LAMA2: variants seen among roughly 807,000 people sequenced by gnomAD.
LAMA2 encodes laminin subunit alpha-2.
In LAMA2, 269 loss-of-function variants were observed where a neutral mutation model predicts 364.8. The observed-to-expected ratio is 0.74, with a 90% confidence interval of 0.67 to 0.82. The LOEUF (loss-of-function observed/expected upper bound fraction) is 0.82. Ranked by LOEUF, LAMA2 falls within the 40% of genes least tolerant of loss-of-function variation. The pLI is 0.00. For synonymous variants in LAMA2, 1,379 were observed against 1,370.6 expected, an observed-to-expected ratio of 1.01 and a Z score of -0.14; for missense variants, 3,807 against 3,873.2, an observed-to-expected ratio of 0.98 and a Z score of 0.45.
intron 8 of LAMA2, among the ~76,000 whole-genome samples, chr6:129,163,964 G>C (rs537640207): frequency 6.6e-6 from 1 of 151,956 alleles, no homozygotes; most frequent in Admixed American, 6.6e-5. Flanking sequence ...CAGAACTTAC[G>C]TTGACTTCCT....
intron 14 of LAMA2, among the ~76,000 whole-genome samples, chr6:129,257,704 A>G (rs915860124): frequency 6.6e-6 from 1 of 152,138 alleles, no homozygotes; most frequent in African/African-American, 2.4e-5. Context: ...GATCAGAATT[A>G]TAGGTTTATC....
chr6:129,050,235 C>A, intron 2 of LAMA2, 147 bp downstream of exon 2: 2 of 771,540 alleles, frequency 2.6e-6, no homozygotes, highest in Admixed American at 2.2e-5. Flanking sequence ...CCTGGCCCCT[C>A]TCTGTCATTC....
chr6:129,493,292 C>T (rs1562616502), intron 58 of LAMA2, among the ~76,000 whole-genome samples: 1 of 152,132 alleles, frequency 6.6e-6, no homozygotes, highest in Non-Finnish European at 1.5e-5. Flanking sequence ...GTCATATAGC[C>T]TTGATTAGAG....
intron 1 of LAMA2, among the ~76,000 whole-genome samples, chr6:128,986,038 G>A (rs1317694310): frequency 6.6e-6 from 1 of 152,114 alleles, no homozygotes; most frequent in East Asian, 1.9e-4. Flanking sequence ...GAAAAAATGA[G>A]TTGGTTTACT....
chr6:129,011,272 T>G (rs2114695433), intron 1 of LAMA2, among the ~76,000 whole-genome samples: 1 of 152,316 alleles, frequency 6.6e-6, no homozygotes, highest in Admixed American at 6.5e-5. Flanking sequence ...ACAGGAGTCC[T>G]TTCTAGAGAG....
chr6:129,139,073 G>A (rs564026318), intron 4 of LAMA2, among the ~76,000 whole-genome samples: 2 of 152,222 alleles, frequency 1.3e-5, no homozygotes, highest in South Asian at 2.1e-4. Context: ...TGTGAAGGAC[G>A]TTGGTGACTT....
chr6:129,201,314 G>A (rs1362161959), intron 12 of LAMA2, among the ~76,000 whole-genome samples: 1 of 152,172 alleles, frequency 6.6e-6, no homozygotes, highest in Non-Finnish European at 1.5e-5. Context: ...GCATTTGTGA[G>A]GCAGCATACA....
At chr6:129,238,518 T>G (rs1247028804) in intron 12 of LAMA2, among the ~76,000 whole-genome samples, 1 of 151,920 alleles carries the variant, frequency 6.6e-6, no homozygotes, top group Admixed American at 6.6e-5. Context: ...AACATATACT[T>G]TTGCATTATA....
At chr6:129,296,899 T>A (rs985361206) in intron 20 of LAMA2, among the ~76,000 whole-genome samples, 1 of 152,174 alleles carries the variant, frequency 6.6e-6, no homozygotes, top group Admixed American at 6.5e-5. Context: ...ATTTTAAGCC[T>A]GATAACATGC....
intron 49 of LAMA2, 61 bp from the exon 50 acceptor site, chr6:129,464,229 A>G (rs370948959): frequency 2.1e-6 from 3 of 1,432,412 alleles, no homozygotes; most frequent in Admixed American, 1.7e-5. Context: ...TCAGTGATGC[A>G]TTGAATAATG....
At chr6:129,422,130 A>G (rs1019214736) in intron 40 of LAMA2, among the ~76,000 whole-genome samples, 3 of 152,050 alleles carry the variant, frequency 2.0e-5, no homozygotes, top group African/African-American at 4.8e-5. Flanking sequence ...TCGCTCTCAC[A>G]TCCACACATC....
chr6:129,295,407 C>T (rs1452553506), intron 20 of LAMA2, among the ~76,000 whole-genome samples: 1 of 152,214 alleles, frequency 6.6e-6, no homozygotes, highest in Non-Finnish European at 1.5e-5. Flanking sequence ...CACTCTCTCC[C>T]ATATTTATTT....
At position 129,333,856 on chromosome 6, in the gene LAMA2, G is replaced by A. The variant is rs995582; in HGVS notation, c.4311+5444G>A. On this transcript the variant is annotated intron_variant, in intron 29 of 64. Coordinates refer to ENST00000421865, the MANE Select transcript of LAMA2 (RefSeq NM_000426.4). ...CAATTTTGTTAGGATTAAAATTACCGTCTTTATACTGTCCTCTTTTGACCA... is the reference window on the plus strand; with the variant it reads ...CAATTTTGTTAGGATTAAAATTACCATCTTTATACTGTCCTCTTTTGACCA... Among the ~76,000 whole-genome samples, 458 of 152,098 alleles carry A rather than the reference G, an allele frequency of 3.0e-3. 1 individual carries two copies. Among genetic ancestry groups the A allele is most frequent in the African/African-American group, 0.01 (421 of 41,486 alleles).
chr6:129,490,366 C>T (rs1418924020), intron 56 of LAMA2, among the ~76,000 whole-genome samples: 1 of 152,142 alleles, frequency 6.6e-6, no homozygotes, highest in Admixed American at 6.5e-5. Flanking sequence ...CTCCTGAAAG[C>T]CCACACTCAT....
In LAMA2 at chr6:129,300,819, T is replaced by C; in HGVS notation, c.3121T>C (p.Cys1041Arg). ...CCCTCCCAATACCATTGGAGAGAAATGTTCTAAATGTGCACCCAATACCTG... is the reference window on the plus strand; with the variant it reads ...CCCTCCCAATACCATTGGAGAGAAACGTTCTAAATGTGCACCCAATACCTG... ...ICPPNTIGEKCSKCAPNTWGH... is the reference protein window; with the variant it reads ...ICPPNTIGEKRSKCAPNTWGH... Residue 1041 changes from cysteine to arginine, a missense_variant, in exon 22 of 65, where the codon TGT becomes CGT. Coordinates refer to ENST00000421865, the MANE Select transcript of LAMA2 (RefSeq NM_000426.4). 1 of 1,613,788 alleles carries C rather than the reference T, an allele frequency of 6.2e-7. No homozygotes were observed. The highest frequency in any genetic ancestry group is 2.2e-5 in the East Asian group (1 of 44,858).
intron 40 of LAMA2, among the ~76,000 whole-genome samples, chr6:129,406,666 A>C (rs977846228): frequency 5.9e-5 from 9 of 152,252 alleles, no homozygotes; most frequent in Non-Finnish European, 8.8e-5. Flanking sequence ...AAACATTTCC[A>C]GGTCATAGTA....
Position 129,497,429 on chromosome 6 carries a change from G to T in LAMA2, c.8244+4946G>T, listed in dbSNP as rs183988343. On this transcript the variant is annotated intron_variant, in intron 58 of 64. Transcript: ENST00000421865. ...ATTTTTGTATTTTTAATAGAGATGGGATTTCACCATGTTGGCCAGGCTGGT... is the reference window on the plus strand; with the variant it reads ...ATTTTTGTATTTTTAATAGAGATGGTATTTCACCATGTTGGCCAGGCTGGT... Among the ~76,000 whole-genome samples, 409 of 152,102 alleles carry T rather than the reference G, an allele frequency of 2.7e-3. 2 individuals are homozygous for T. The highest frequency in any genetic ancestry group is 9.2e-3 in the African/African-American group (380 of 41,500).
intron 62 of LAMA2, among the ~76,000 whole-genome samples, chr6:129,511,384 CT>C (rs1415811992): frequency 6.6e-6 from 1 of 152,010 alleles, no homozygotes; most frequent in Admixed American, 6.6e-5. Flanking sequence ...CTACCCTTTA[CT>C]TTATTTTTTC....
chr6:128,921,697 G>GTTTTTTTTTTTTTTTTTTTTTTT lies in LAMA2; in HGVS notation c.112+38356_112+38357insTTTTTTTTTTTTTTTTTTTTTTT, dbSNP rs547882651. ...CTCCTGAACTGTGAAATGAATGTCTGTTTTTTTTTTTTTTTTATTATTATT... is the reference window on the plus strand; with the variant it reads ...CTCCTGAACTGTGAAATGAATGTCTGTTTTTTTTTTTTTTTTTTTTTTTTTTTTTTTTTTTTTTTATTATTATT... On this transcript the variant is annotated intron_variant, in intron 1 of 64. Coordinates refer to ENST00000421865, the MANE Select transcript of LAMA2 (RefSeq NM_000426.4). Among the ~76,000 whole-genome samples the GTTTTTTTTTTTTTTTTTTTTTTT allele has an allele frequency of 9.3e-5, 11 of 118,040 alleles. 1 individual carries two copies. Among genetic ancestry groups the GTTTTTTTTTTTTTTTTTTTTTTT allele is most frequent in the African/African-American group, 4.1e-4 (11 of 26,708 alleles). The allele number at this position is 118,040 out of a possible 152,430, so 77.4% of individuals were successfully genotyped here. A position where few individuals can be genotyped will look rare whatever the true frequency, so the allele number is the denominator to read the frequency against.
Sources: allele counts gnomAD v4.1 joint callset (sites outside exome capture counted in the v4.1 genomes callset), GRCh38; gene constraint gnomAD v4.1.1; transcripts MANE v1.5; gene names NCBI Gene and HGNC (gene_info 2026-07-23, HGNC 2026-07-21).